Variants in CNTN4 observed in about 807,000 individuals in gnomAD.
The protein encoded by CNTN4 is contactin-4.
A neutral mutation model predicts 122.5 loss-of-function variants in CNTN4; 77 were observed. The ratio of observed to expected loss-of-function variants is 0.63; its 90% CI spans 0.52 to 0.76. The LOEUF (loss-of-function observed/expected upper bound fraction) is 0.76, where lower values mean the gene tolerates loss of function less well. Among genes scored for constraint, CNTN4 ranks in the 30% least tolerant of loss-of-function variants. The pLI, the probability that CNTN4 is intolerant of heterozygous loss-of-function variation, is 0.00. For synonymous variants in CNTN4, 512 were observed against 447.0 expected (o/e 1.15, Z -1.83); for missense variants, 1,256 against 1,259.1 (o/e 1.00, Z 0.04).
At chr3:2,793,013 T>C (rs1261417455) in intron 6 of CNTN4, among the ~76,000 whole-genome samples, 2 of 152,212 alleles carry the variant, frequency 1.3e-5, no homozygotes, top group East Asian at 3.9e-4. Flanking sequence ...GGGGAAGTAT[T>C]ATTGTTTCCA....
chr3:2,361,903 T>TA (rs2045160068), intron 3 of CNTN4, among the ~76,000 whole-genome samples: 1 of 152,170 alleles, frequency 6.6e-6, no homozygotes, highest in Non-Finnish European at 1.5e-5. Flanking sequence ...AATAATTACT[T>TA]AAATACATAT....
chr3:2,294,832 C>G (rs2042250788), intron 2 of CNTN4, among the ~76,000 whole-genome samples: 1 of 152,058 alleles, frequency 6.6e-6, no homozygotes, highest in African/African-American at 2.4e-5. Flanking sequence ...CCCCTCTCCC[C>G]CAACCCCACA....
At chr3:2,969,673 A>G (rs1047610801) in intron 13 of CNTN4, among the ~76,000 whole-genome samples, 5 of 152,160 alleles carry the variant, frequency 3.3e-5, no homozygotes, top group Non-Finnish European at 7.3e-5. Context: ...CCTTTTATAT[A>G]GCAAGTACTC....
At chr3:2,163,138 C>G (rs959479933) in intron 2 of CNTN4, among the ~76,000 whole-genome samples, 1 of 152,150 alleles carries the variant, frequency 6.6e-6, no homozygotes, top group Non-Finnish European at 1.5e-5. Flanking sequence ...CAGCATGGTA[C>G]TGGTATAAAA....
chr3:2,427,161 G>T (rs1049409101), intron 3 of CNTN4, among the ~76,000 whole-genome samples: 1 of 152,134 alleles, frequency 6.6e-6, no homozygotes. Context: ...TAATTGTGAT[G>T]TTAGGGTGTC....
intron 23 of CNTN4, among the ~76,000 whole-genome samples, chr3:3,048,516 C>G (rs12330314): frequency 0.029 from 3,274 of 112,870 alleles, 51 homozygotes; most frequent in African/African-American, 0.054. Flanking sequence ...CTCTCTCTCT[C>G]TGTGTGTGTG....
At chr3:3,002,741 A>G (rs978959172) in intron 14 of CNTN4, among the ~76,000 whole-genome samples, 2 of 152,192 alleles carry the variant, frequency 1.3e-5, no homozygotes, top group Non-Finnish European at 2.9e-5. Context: ...AAACATTCCA[A>G]TTTCAAATTT....
At chr3:2,504,620 A>G (rs1354097143) in intron 3 of CNTN4, among the ~76,000 whole-genome samples, 6 of 152,208 alleles carry the variant, frequency 3.9e-5, no homozygotes, top group Non-Finnish European at 8.8e-5. Flanking sequence ...ATTGGAGAAA[A>G]CTATATGTAA....
chr3:2,296,811 C>G (rs963892643), intron 2 of CNTN4, among the ~76,000 whole-genome samples: 4 of 146,790 alleles, frequency 2.7e-5, no homozygotes, highest in African/African-American at 1.0e-4. Context: ...CAACAAAAAA[C>G]TATAATTCCA....
intron 2 of CNTN4, among the ~76,000 whole-genome samples, chr3:2,197,335 C>T (rs1413542163): frequency 6.6e-5 from 10 of 152,094 alleles, no homozygotes; most frequent in Non-Finnish European, 1.0e-4. Context: ...TTCATTCTTT[C>T]TTGATTTGCT....
intron 12 of CNTN4, among the ~76,000 whole-genome samples, chr3:2,915,843 G>A (rs2094347726): frequency 6.6e-6 from 1 of 152,174 alleles, no homozygotes; most frequent in South Asian, 2.1e-4. Flanking sequence ...ATGTGTTTAA[G>A]TACATACAAT....
chr3:2,205,330 TTGTAATATAATTATAAAATATA>T (rs1310372605), intron 2 of CNTN4, among the ~76,000 whole-genome samples: 72 of 149,564 alleles, frequency 4.8e-4, no homozygotes, highest in African/African-American at 1.7e-3. Context: ...CTAATTTATT[TTGTAATATAATTATAAAATATA>T]TGTAATATAA....
At chr3:2,211,564 T>C (rs1054175490) in intron 2 of CNTN4, among the ~76,000 whole-genome samples, 1 of 152,194 alleles carries the variant, frequency 6.6e-6, no homozygotes, top group African/African-American at 2.4e-5. Flanking sequence ...AAAATTTTCA[T>C]ATATAAGGCA....
chr3:2,196,814 G>A (rs1257218491), intron 2 of CNTN4, among the ~76,000 whole-genome samples: 1 of 151,982 alleles, frequency 6.6e-6, no homozygotes, highest in Non-Finnish European at 1.5e-5. Context: ...GAAGGCCGAG[G>A]TGGGCAGATC....
At chr3:2,808,057 C>G (rs1559525852) in intron 6 of CNTN4, among the ~76,000 whole-genome samples, 1 of 152,168 alleles carries the variant, frequency 6.6e-6, no homozygotes, top group South Asian at 2.1e-4. Flanking sequence ...AGTGAGTTCA[C>G]TGCCTCGGTT....
rs1486682724 is a variant in CNTN4, at chr3:2,514,762, A to C, written c.-88-56654A>C. Among the ~76,000 whole-genome samples the C allele has an allele frequency of 2.6e-5, 4 of 152,184 alleles. No homozygotes were observed. The East Asian group carries it at 7.7e-4, about 29-fold the overall frequency. ...TTACGAACTCATGACATCTTATTCTAACTGGGCATTCATGCCTGGAACGGC... is the reference window on the plus strand; with the variant it reads ...TTACGAACTCATGACATCTTATTCTCACTGGGCATTCATGCCTGGAACGGC... On this transcript the variant is annotated intron_variant, in intron 3 of 24. Transcript: ENST00000418658.
chr3:2,252,102 A>G (rs139075484), intron 2 of CNTN4, among the ~76,000 whole-genome samples: 1 of 152,004 alleles, frequency 6.6e-6, no homozygotes, highest in Admixed American at 6.6e-5. Context: ...AGGAATCAGG[A>G]TATTGCCAGA....
intron 6 of CNTN4, among the ~76,000 whole-genome samples, chr3:2,772,680 C>T (rs2091155779): frequency 6.6e-6 from 1 of 152,164 alleles, no homozygotes; most frequent in Admixed American, 6.5e-5. Context: ...AATGTAAAGT[C>T]ACCTTATCTG....
chr3:2,842,715 G>A lies in CNTN4; in HGVS notation c.454+23134G>A, dbSNP rs1371007460. On this transcript the variant is annotated intron_variant, in intron 7 of 24. Coordinates refer to ENST00000418658, the MANE Select transcript of CNTN4 (RefSeq NM_175607.3). ...TGATGATAAATTCTTAGTTCTCACA[G>A]TATTTGACCTATCAGCAGCATTCAA... 2.0e-5 allele frequency among the ~76,000 whole-genome samples: 3 copies of A among 152,158 alleles called. No individual in the cohort carries two copies. In the East Asian group the frequency reaches 5.8e-4, roughly 29 times the overall value.
Sources: allele counts gnomAD v4.1 joint callset (sites outside exome capture counted in the v4.1 genomes callset), GRCh38; gene constraint gnomAD v4.1.1; transcripts MANE v1.5; gene names NCBI Gene and HGNC (gene_info 2026-07-23, HGNC 2026-07-21).